Variants in DIAPH2 observed in about 807,000 individuals in gnomAD.
DIAPH2 encodes the protein diaphanous related formin 2, also known as protein diaphanous homolog 2.
Under a neutral mutation model 92.7 loss-of-function variants are expected in DIAPH2, and 35 were observed. The observed-to-expected ratio is 0.38, with a 90% CI of 0.29 to 0.50. The LOEUF is 0.50. Ranked by LOEUF, DIAPH2 falls within the 20% of genes least tolerant of loss-of-function variation. The probability of loss-of-function intolerance (pLI) is 0.94; values close to 1 mark genes in which losing one functional copy is unlikely to be tolerated. For synonymous variants in DIAPH2, 301 were observed against 280.4 expected, an observed-to-expected ratio of 1.07 and a Z score of -0.73; for missense variants, 701 against 819.5, an observed-to-expected ratio of 0.86 and a Z score of 1.77.
At chrX:97,109,624 T>A in intron 20 of DIAPH2, among the ~76,000 whole-genome samples, 1 of 111,170 alleles carries the variant, frequency 9.0e-6, no homozygotes, top group Middle Eastern at 4.7e-3. Flanking sequence ...TGGGCTAAGA[T>A]TGGGCCTTGG....
intron 26 of DIAPH2, among the ~76,000 whole-genome samples, chrX:97,565,013 G>T (rs1319829188): frequency 8.9e-6 from 1 of 112,059 alleles, no homozygotes; most frequent in Non-Finnish European, 1.9e-5. Context: ...AAAAGGATTA[G>T]TATTGAAGAT....
intron 22 of DIAPH2, among the ~76,000 whole-genome samples, chrX:97,172,238 T>C (rs1209134908): frequency 1.8e-5 from 2 of 112,381 alleles, no homozygotes; most frequent in Admixed American, 9.4e-5. Context: ...ACATTTTCTC[T>C]TTTTTGACCA....
intron 4 of DIAPH2, among the ~76,000 whole-genome samples, chrX:96,847,904 C>T (rs749010823): frequency 1.8e-3 from 199 of 111,014 alleles, no homozygotes; most frequent in Non-Finnish European, 3.2e-3. Flanking sequence ...TGTATTATCC[C>T]GTTTATCTTG....
chrX:96,717,816 GTATATATATATATATATATATATATATA>G (rs61272505), intron 1 of DIAPH2, among the ~76,000 whole-genome samples: 18 of 36,372 alleles, frequency 4.9e-4, no homozygotes, highest in Non-Finnish European at 6.5e-4. Context: ...TGGGTATATA[GTATATATATATATATATATATATATATA>G]TATATATATA....
At chrX:97,464,136 T>G (rs1198579326) in intron 26 of DIAPH2, among the ~76,000 whole-genome samples, 1 of 107,607 alleles carries the variant, frequency 9.3e-6, no homozygotes, top group Non-Finnish European at 1.9e-5. Context: ...ACAGAGTGTC[T>G]TAGGCTGGAA....
chrX:97,129,142 T>TTTCC (rs1569308161), intron 21 of DIAPH2, among the ~76,000 whole-genome samples: 10 of 64,651 alleles, frequency 1.5e-4, no homozygotes, highest in African/African-American at 6.0e-4. Context: ...TTTTCTTTTC[T>TTTCC]TTTCTTTCTT....
intron 20 of DIAPH2, among the ~76,000 whole-genome samples, chrX:97,105,400 G>T (rs1166694511): frequency 8.9e-6 from 1 of 111,776 alleles, no homozygotes; most frequent in Non-Finnish European, 1.9e-5. Context: ...CCCACATATT[G>T]TATGATCAAT....
chrX:96,966,617 T>C (rs1185865891), intron 17 of DIAPH2, among the ~76,000 whole-genome samples: 1 of 112,377 alleles, frequency 8.9e-6, no homozygotes, highest in African/African-American at 3.2e-5. Context: ...GTTTATCTAC[T>C]GTGTTCTTTT....
chrX:97,116,532 C>T (rs904871281), intron 21 of DIAPH2, among the ~76,000 whole-genome samples: 5 of 111,612 alleles, frequency 4.5e-5, no homozygotes, highest in African/African-American at 1.6e-4. Flanking sequence ...GTATTGCATA[C>T]CATATCCCCA....
chrX:96,982,369 G>C (rs1310871415), intron 17 of DIAPH2, among the ~76,000 whole-genome samples: 1 of 112,217 alleles, frequency 8.9e-6, no homozygotes, highest in East Asian at 2.8e-4. Context: ...TAGTTCCTCC[G>C]TTAGAATGGC....
intron 22 of DIAPH2, among the ~76,000 whole-genome samples, chrX:97,242,960 G>C (rs1329553429): frequency 9.3e-6 from 1 of 107,834 alleles, no homozygotes; most frequent in African/African-American, 3.4e-5. Flanking sequence ...CTAATTTTTT[G>C]TATTTTTAGT....
chrX:96,733,766 C>T (rs1019244461), intron 1 of DIAPH2, among the ~76,000 whole-genome samples: 3 of 111,331 alleles, frequency 2.7e-5, no homozygotes, highest in Non-Finnish European at 5.7e-5. Context: ...TTGCAAATGG[C>T]AGAATGATTA....
At chrX:96,814,654 C>T (rs1047439946) in intron 4 of DIAPH2, among the ~76,000 whole-genome samples, 1 of 112,232 alleles carries the variant, frequency 8.9e-6, no homozygotes, top group Admixed American at 9.5e-5. Flanking sequence ...TTCTTCTCAT[C>T]TTTGTGGTTT....
chrX:97,543,001 G>A (rs1039770783), intron 26 of DIAPH2, among the ~76,000 whole-genome samples: 2 of 112,128 alleles, frequency 1.8e-5, no homozygotes, highest in African/African-American at 6.5e-5. Flanking sequence ...ATCTGTTGTT[G>A]TAGAACAAAC....
intron 23 of DIAPH2, among the ~76,000 whole-genome samples, chrX:97,336,829 G>C (rs2069066523): frequency 8.9e-6 from 1 of 111,936 alleles, no homozygotes; most frequent in Non-Finnish European, 1.9e-5. Flanking sequence ...AGACAAGAGA[G>C]TGAATAAAGA....
intron 20 of DIAPH2, among the ~76,000 whole-genome samples, chrX:97,108,024 A>G (rs1383088443): frequency 9.3e-6 from 1 of 107,148 alleles, no homozygotes; most frequent in Non-Finnish European, 1.9e-5. Flanking sequence ...GTGGATTCGT[A>G]GGTTAGTTGG....
At chrX:96,930,975 C>A in intron 10 of DIAPH2, 132 bp downstream of exon 10, 1 of 688,596 alleles carries the variant, frequency 1.5e-6, no homozygotes, top group Non-Finnish European at 2.0e-6. Flanking sequence ...ATTTTGTAAG[C>A]TTTTTTGTAT....
intron 3 of DIAPH2, among the ~76,000 whole-genome samples, chrX:96,743,485 A>G (rs2064131698): frequency 8.9e-6 from 1 of 112,012 alleles, no homozygotes; most frequent in Non-Finnish European, 1.9e-5. Flanking sequence ...ATCCTGGTCA[A>G]CAGTTGTTAT....
At position 97,502,121 on chromosome X, in the gene DIAPH2, A is replaced by C. The variant is rs368452659; in HGVS notation, c.3241+72376A>C. Among the ~76,000 whole-genome samples, 5 of 112,172 alleles carry C rather than the reference A, an allele frequency of 4.5e-5. No individual in the cohort carries two copies. In the South Asian group the frequency reaches 1.8e-3, roughly 41 times the overall value. On this transcript the variant is annotated intron_variant, in intron 26 of 26. Transcript: ENST00000324765. ...TCCAGCCTTATTTTTTTTTATTTTA[A>C]ATAGAGCTCTCCAAATAATGTCTGT...
Sources: gnomAD v4.1 joint callset for allele counts (sites outside exome capture counted in the v4.1 genomes callset) on GRCh38, gnomAD v4.1.1 for gene constraint, MANE v1.5 for transcripts, NCBI Gene and HGNC (gene_info 2026-07-23, HGNC 2026-07-21) for gene names.